Variants in ANGPT2 observed in about 807,000 individuals in gnomAD.
ANGPT2 encodes the protein angiopoietin-2.
A neutral mutation model predicts 62.9 loss-of-function variants in ANGPT2; 28 were observed. The observed-to-expected ratio is 0.44, with a 90% CI of 0.33 to 0.61. The LOEUF (loss-of-function observed/expected upper bound fraction) is 0.61, where lower values mean the gene tolerates loss of function less well. ANGPT2 is among the 20% of genes least tolerant of loss of function. The probability of loss-of-function intolerance (pLI) is 0.03; values close to 1 mark genes in which losing one functional copy is unlikely to be tolerated. For synonymous variants in ANGPT2, 284 were observed against 207.8 expected (o/e 1.37, Z -3.15); for missense variants, 727 against 594.9 (o/e 1.22, Z -2.31).
At chr8:6,525,758 G>T (rs1818210599) in intron 3 of ANGPT2, among the ~76,000 whole-genome samples, 1 of 151,910 alleles carries the variant, frequency 6.6e-6, no homozygotes. Context: ...AGCTGTTGAT[G>T]AAAAAAACCT....
Position 6,521,209 on chromosome 8 carries a change from A to T in ANGPT2, c.768T>A (p.Asn256Lys). The stretch of plus-strand genomic sequence containing the variant: ...ATGTGGACATCATAGTCAGTAAGTT[A>T]TTAACTGTCTCCATGAGATCATGTT... ...KQQHDLMETV[N>K]NLLTMMSTSN... The change falls in exon 4 of 9, where the codon AAT becomes AAA. Residue 256 changes from asparagine (N) to lysine (K), a missense_variant. By Grantham distance (94) the Asn-to-Lys change is moderately conservative (BLOSUM62 0). Coordinates refer to ENST00000629816, the MANE Select transcript of ANGPT2 (RefSeq NM_001118887.2). The T allele has an allele frequency of 6.2e-7, 1 of 1,613,892 alleles. No individual in the cohort carries two copies. Among genetic ancestry groups the T allele is most frequent in the Non-Finnish European group, 8.5e-7 (1 of 1,179,884 alleles).
Position 6,500,417 on chromosome 8 carries a change from A to G in ANGPT2, c.*2684T>C, listed in dbSNP as rs1402693122. The G allele has an allele frequency of 1.9e-5, 3 of 156,700 alleles. No homozygotes were observed. The highest frequency in any genetic ancestry group is 3.7e-4 in the East Asian group (2 of 5,468). The allele number at this position is 156,700 out of a possible 1,614,324, so 9.7% of individuals were successfully genotyped here. ...TTAAGATTAAGTAATAATTAAGTGG[A>G]TAATTTAAAGTTTGCTTGGATACAG... On this transcript the variant is annotated 3_prime_UTR_variant, in exon 9 of 9. Transcript: ENST00000629816.
At chr8:6,557,276 G>T (rs535374913) in intron 1 of ANGPT2, among the ~76,000 whole-genome samples, 1 of 152,042 alleles carries the variant, frequency 6.6e-6, no homozygotes, top group South Asian at 2.1e-4. Context: ...AGCATGCCCC[G>T]TGTTTATAAG....
chr8:6,559,236 C>CACACACAA (rs1289866354), intron 1 of ANGPT2, among the ~76,000 whole-genome samples: 1 of 124,860 alleles, frequency 8.0e-6, no homozygotes, highest in Non-Finnish European at 1.5e-5. Context: ...CGACAACACA[C>CACACACAA]ACACACACAC....
chr8:6,538,816 A>G (rs1820976105), intron 1 of ANGPT2, among the ~76,000 whole-genome samples: 2 of 152,216 alleles, frequency 1.3e-5, no homozygotes, highest in Non-Finnish European at 1.5e-5. Flanking sequence ...TTCTACATAT[A>G]CACCCTAGTA....
At chr8:6,559,467 C>T (rs1456208462) in intron 1 of ANGPT2, among the ~76,000 whole-genome samples, 1 of 152,178 alleles carries the variant, frequency 6.6e-6, no homozygotes, top group Non-Finnish European at 1.5e-5. Context: ...TTGCAATTCA[C>T]ATTTACACTT....
rs58686747 is a variant in ANGPT2 at position 6,536,972 on chromosome 8, G to GAAA, written c.289-4488_289-4486dup. On this transcript the variant is annotated intron_variant, in intron 1 of 8. Coordinates refer to ENST00000629816, the MANE Select transcript of ANGPT2 (RefSeq NM_001118887.2). ...TAAGTATAAGGAAGTCTTAGTACAA[G>GAAA]AAAAAAAAAAAAAAAAAACCAACCC... is the stretch of plus-strand genomic sequence containing the variant. Among the ~76,000 whole-genome samples the GAAA allele has an allele frequency of 1.9e-3, 199 of 102,268 alleles. 4 individuals carry two copies. The South Asian group carries it at 0.038, about 19-fold the overall frequency. The allele number at this position is 102,268 out of a possible 152,430, so 67.1% of individuals were successfully genotyped here.
At chr8:6,514,908 A>T in intron 5 of ANGPT2, 130 bp from the exon 6 acceptor site, 1 of 683,034 alleles carries the variant, frequency 1.5e-6, no homozygotes, top group South Asian at 1.9e-5. Flanking sequence ...TAAGGCACGG[A>T]GTAGACCATC....
intron 8 of ANGPT2, among the ~76,000 whole-genome samples, chr8:6,505,175 A>AATATATATATATATATTCTTATGT (rs1813045953): frequency 3.1e-5 from 3 of 95,786 alleles, no homozygotes; most frequent in Non-Finnish European, 4.1e-5. Context: ...TATGCCAAAG[A>AATATATATATATATATTCTTATGT]ATATATATAT....
At chr8:6,520,462 C>T (rs1432990632) in intron 4 of ANGPT2, among the ~76,000 whole-genome samples, 1 of 152,170 alleles carries the variant, frequency 6.6e-6, no homozygotes, top group African/African-American at 2.4e-5. Context: ...AGTGACACAT[C>T]TCAGCTTACC....
At chr8:6,542,688 G>A (rs1210392426) in intron 1 of ANGPT2, among the ~76,000 whole-genome samples, 3 of 151,398 alleles carry the variant, frequency 2.0e-5, no homozygotes, top group Non-Finnish European at 4.4e-5. Flanking sequence ...GGCCTTTTAC[G>A]TCTCCTCTCT....
At chr8:6,536,985 A>AAC (rs1554440304) in intron 1 of ANGPT2, among the ~76,000 whole-genome samples, 2 of 151,714 alleles carry the variant, frequency 1.3e-5, no homozygotes, top group Non-Finnish European at 2.9e-5. Flanking sequence ...AAAAAAAAAA[A>AAC]AAAAACCAAC....
At chr8:6,559,805 C>T (rs1234709779) in intron 1 of ANGPT2, among the ~76,000 whole-genome samples, 2 of 152,172 alleles carry the variant, frequency 1.3e-5, no homozygotes, top group East Asian at 1.9e-4. Flanking sequence ...GCAAGAGAGA[C>T]GTAGCATGAG....
At chr8:6,533,663 A>G (rs1216709684) in intron 1 of ANGPT2, among the ~76,000 whole-genome samples, 2 of 148,086 alleles carry the variant, frequency 1.4e-5, no homozygotes, top group Non-Finnish European at 3.0e-5. Flanking sequence ...TGCACAAACC[A>G]TGTTTTCTTC....
chr8:6,545,449 T>C (rs1231495054), intron 1 of ANGPT2, among the ~76,000 whole-genome samples: 1 of 152,246 alleles, frequency 6.6e-6, no homozygotes. Context: ...GGTGGTTTTA[T>C]TTGTCTCTGC....
chr8:6,503,975 A>G (rs528193381), intron 8 of ANGPT2, among the ~76,000 whole-genome samples: 2 of 152,320 alleles, frequency 1.3e-5, no homozygotes, highest in African/African-American at 4.8e-5. Flanking sequence ...ACTTTCAGAT[A>G]CCTGAAGTCA....
chr8:6,511,259 C>G (rs1381357338), intron 7 of ANGPT2, among the ~76,000 whole-genome samples: 1 of 150,698 alleles, frequency 6.6e-6, no homozygotes, highest in Admixed American at 6.6e-5. Context: ...TGGCCACGTT[C>G]TTGAAGTTGC....
At chr8:6,506,128 C>G (rs1268634259) in intron 8 of ANGPT2, among the ~76,000 whole-genome samples, 3 of 151,318 alleles carry the variant, frequency 2.0e-5, no homozygotes, top group African/African-American at 7.3e-5. Flanking sequence ...AGCTCAGTGA[C>G]TTCATTTGAT....
In ANGPT2 at chr8:6,505,266, A is replaced by G. The variant is rs369832028; in HGVS notation, c.1328-2005T>C. ...TATATATTCTTTATATATGTTTTAT[A>G]TATATGTATACATATATATGTTATA... On this transcript the variant is annotated intron_variant, in intron 8 of 8. Coordinates refer to ENST00000629816, the MANE Select transcript of ANGPT2 (RefSeq NM_001118887.2). Among the ~76,000 whole-genome samples, 108 of 116,438 alleles carry G rather than the reference A, an allele frequency of 9.3e-4. 10 individuals are homozygous for G. Among genetic ancestry groups the G allele is most frequent in the African/African-American group, 2.8e-3 (74 of 26,634 alleles). The allele number at this position is 116,438 out of a possible 152,430, so 76.4% of individuals were successfully genotyped here. A position where few individuals can be genotyped will look rare whatever the true frequency, so the allele number is the denominator to read the frequency against.
Sources: allele counts gnomAD v4.1 joint callset (sites outside exome capture counted in the v4.1 genomes callset), GRCh38; gene constraint gnomAD v4.1.1; transcripts MANE v1.5; gene names NCBI Gene and HGNC (gene_info 2026-07-23, HGNC 2026-07-21).